EIF4A2: variants seen among roughly 807,000 people sequenced by gnomAD.
The protein encoded by EIF4A2 is eukaryotic translation initiation factor 4A2.
A neutral mutation model predicts 50.6 loss-of-function variants in EIF4A2; 9 were observed. The ratio of observed to expected loss-of-function variants is 0.18; its 90% CI spans 0.11 to 0.31. The LOEUF (loss-of-function observed/expected upper bound fraction) is 0.31, where lower values mean the gene tolerates loss of function less well. Ranked by LOEUF, EIF4A2 falls within the 10% of genes least tolerant of loss-of-function variation. The pLI, the probability that EIF4A2 is intolerant of heterozygous loss-of-function variation, is 1.00. For synonymous variants in EIF4A2, 215 were observed against 164.4 expected (o/e 1.31, Z -2.35); for missense variants, 182 against 501.8 (o/e 0.36, Z 6.09).
chr3:186,787,373 C>T (rs764700631), intron 8 of EIF4A2, 109 bp downstream of exon 8: 11 of 1,609,720 alleles, frequency 6.8e-6, no homozygotes, highest in Admixed American at 1.7e-5. Flanking sequence ...AAAGTTGTTT[C>T]TTAACTATAC....
At chr3:186,783,897 G>C in intron 1 of EIF4A2, 3 of 564,010 alleles carry the variant, frequency 5.3e-6, no homozygotes, top group Non-Finnish European at 6.3e-6. Flanking sequence ...TTCCTTCCCA[G>C]TGTAGAGCAC....
chr3:186,784,145 G>T (rs1428254271), intron 1 of EIF4A2: 3 of 530,372 alleles, frequency 5.7e-6, no homozygotes, highest in Non-Finnish European at 6.7e-6. Context: ...TCAATCACCC[G>T]GCTTGCGCAT....
At chr3:186,783,744 T>G in intron 1 of EIF4A2, 105 bp downstream of exon 1, 1 of 1,570,220 alleles carries the variant, frequency 6.4e-7, no homozygotes, top group Non-Finnish European at 8.8e-7. Context: ...AATGGACGTT[T>G]TCTTAGGGTA....
chr3:186,783,792 G>A, intron 1 of EIF4A2, 153 bp downstream of exon 1: 1 of 1,244,818 alleles, frequency 8.0e-7, no homozygotes, highest in African/African-American at 1.5e-5. Context: ...TCCATGATGG[G>A]TAGGGCCCGG....
At chr3:186,788,942 T>C in intron 10 of EIF4A2, 183 bp from the exon 11 acceptor site, 3 of 733,078 alleles carry the variant, frequency 4.1e-6, no homozygotes, top group South Asian at 4.9e-5. Context: ...TGAATCCTTT[T>C]GGCACTAACT....
chr3:186,783,780 C>A, intron 1 of EIF4A2, 141 bp downstream of exon 1: 2 of 1,348,620 alleles, frequency 1.5e-6, no homozygotes, highest in Non-Finnish European at 2.1e-6. Context: ...CTTCCAGAAG[C>A]TTCCATGATG....
Position 186,789,709 on chromosome 3 carries a change from ATTTGAATGCATTTTG to A in EIF4A2, c.*445_*459del. The A allele has an allele frequency of 2.6e-6, 1 of 390,186 alleles. No homozygotes were observed. Among genetic ancestry groups the A allele is most frequent in the Non-Finnish European group, 4.6e-6 (1 of 217,366 alleles). 24.2% of individuals were successfully genotyped at this position (390,186 alleles called of 1,614,324 possible). On this transcript the variant is annotated 3_prime_UTR_variant, in exon 11 of 11. Transcript: ENST00000323963. ...GGCCTTTAAAATTTTTTTAGAAAGCATTTGAATGCATTTTGTTTGGTATTGTATTTATTCAATAAA... is the reference window on the plus strand; with the variant it reads ...GGCCTTTAAAATTTTTTTAGAAAGCATTTGGTATTGTATTTATTCAATAAA...
chr3:186,787,097 A>C (rs1721775129), intron 7 of EIF4A2, 30 bp from the exon 8 acceptor site: 1 of 1,611,174 alleles, frequency 6.2e-7, no homozygotes, highest in South Asian at 1.1e-5. Context: ...AAACTAAATG[A>C]CTGTTAACTT....
At position 186,789,693 on chromosome 3, in the gene EIF4A2, AATTTTTTTAGAAAGCATTTGAATGC is replaced by A; in HGVS notation, c.*430_*454del. 2 of 376,654 alleles carry A rather than the reference AATTTTTTTAGAAAGCATTTGAATGC, an allele frequency of 5.3e-6. No homozygotes were observed. The highest frequency in any genetic ancestry group is 9.6e-6 in the Non-Finnish European group (2 of 208,906). 23.3% of individuals were successfully genotyped at this position (376,654 alleles called of 1,614,324 possible). ...TTAGCCTGAGTAGAAAGGCCTTTAAAATTTTTTTAGAAAGCATTTGAATGCATTTTGTTTGGTATTGTATTTATTC... is the reference window on the plus strand; with the variant it reads ...TTAGCCTGAGTAGAAAGGCCTTTAAAATTTTGTTTGGTATTGTATTTATTC... On this transcript the variant is annotated 3_prime_UTR_variant, in exon 11 of 11. Transcript: ENST00000323963.
Position 186,783,617 on chromosome 3 carries a change from G to C in EIF4A2, c.7G>C (p.Gly3Arg). Residue 3 changes from glycine (G) to arginine (R), a missense_variant, in exon 1 of 11, where the codon GGT becomes CGT. Coordinates refer to ENST00000323963, the MANE Select transcript of EIF4A2 (RefSeq NM_001967.4). Reference protein sequence around the residue: MSGGSADYNREHG... With the variant: MSRGSADYNREHG... ...CTGAGTGGTTTTTCGGATCATGTCT[G>C]GTGGCTCCGCGGATTATAACAGGTA... 6.2e-7 allele frequency: 1 copy of C among 1,614,170 alleles called. No individual in the cohort carries two copies. Among genetic ancestry groups the C allele is most frequent in the Non-Finnish European group, 8.5e-7 (1 of 1,180,042 alleles).
At chr3:186,786,695 T>C (rs1721734373) in intron 7 of EIF4A2, 50 bp downstream of exon 7, 1 of 1,610,036 alleles carries the variant, frequency 6.2e-7, no homozygotes, top group South Asian at 1.1e-5. Flanking sequence ...ATAAGCACTG[T>C]GCTAAAATTG....
In EIF4A2 at chr3:186,784,462, C is replaced by G; in HGVS notation, c.60C>G (p.Pro20=). 1 of 1,614,150 alleles carries G rather than the reference C, an allele frequency of 6.2e-7. No individual in the cohort carries two copies. The highest frequency in any genetic ancestry group is 8.5e-7 in the Non-Finnish European group (1 of 1,180,022). The change falls in exon 2 of 11, where the codon CCC becomes CCG. Residue 20 remains proline (P), a synonymous_variant. Coordinates refer to ENST00000323963, the MANE Select transcript of EIF4A2 (RefSeq NM_001967.4). ...ATGGCGGCCCAGAGGGAATGGACCCCGATGGTGTCATCGAGGTAAGAAACG... is the reference window on the plus strand; with the variant it reads ...ATGGCGGCCCAGAGGGAATGGACCCGGATGGTGTCATCGAGGTAAGAAACG... ...REHGGPEGMD[P]DGVIESNWNE... is the part of the protein sequence containing the mutation.
rs1560084088 is a variant in EIF4A2 at position 186,785,212 on chromosome 3, T to C, written c.348+111T>C. 19 of 1,484,212 alleles carry C rather than the reference T, an allele frequency of 1.3e-5. No individual in the cohort carries two copies. In the East Asian group the frequency reaches 3.2e-4, roughly 25 times the overall value. 91.9% of individuals were successfully genotyped at this position (1,484,212 alleles called of 1,614,324 possible). The stretch of plus-strand genomic sequence containing the variant: ...AAATTGGTCCTACCAGATCCCTCCT[T>C]TTAATTGTCCATGCATGCAGGGAGT... On this transcript the variant is annotated intron_variant, in intron 4 of 10. Coordinates refer to ENST00000323963, the MANE Select transcript of EIF4A2 (RefSeq NM_001967.4).
intron 5 of EIF4A2, 22 bp downstream of exon 5, chr3:186,786,073 G>A: frequency 6.2e-7 from 1 of 1,600,440 alleles, no homozygotes; most frequent in East Asian, 2.2e-5. Context: ...CTTTAAGAGA[G>A]TATTTTTTTT....
At position 186,789,034 on chromosome 3, in the gene EIF4A2, A is replaced by G; in HGVS notation, c.1080-91A>G. The G allele has an allele frequency of 1.1e-5, 17 of 1,487,274 alleles. No homozygotes were observed. The South Asian group carries it at 2.4e-4, about 21-fold the overall frequency. The allele number at this position is 1,487,274 out of a possible 1,614,324, so 92.1% of individuals were successfully genotyped here. ...GCACGAACTATAACCTTGATAAGTA[A>G]ACAGCAGCTGGTGGTTAACAAGTGG... On this transcript the variant is annotated intron_variant, in intron 10 of 10. Transcript: ENST00000323963.
chr3:186,789,551 G>A lies in EIF4A2; in HGVS notation c.*282G>A. The A allele has an allele frequency of 2.8e-6, 1 of 357,306 alleles. No homozygotes were observed. Among genetic ancestry groups the A allele is most frequent in the Non-Finnish European group, 5.0e-6 (1 of 198,814 alleles). 22.1% of individuals were successfully genotyped at this position (357,306 alleles called of 1,614,324 possible). ...TTTATTTCCTAGTTCTGTAGAAATG[G>A]TTGTATTAGATGTTCTCTATCATTT... On this transcript the variant is annotated 3_prime_UTR_variant, in exon 11 of 11. Coordinates refer to ENST00000323963, the MANE Select transcript of EIF4A2 (RefSeq NM_001967.4).
intron 7 of EIF4A2, 179 bp downstream of exon 7, chr3:186,786,824 C>T (rs975331551): frequency 4.2e-6 from 4 of 944,890 alleles, no homozygotes; most frequent in African/African-American, 3.2e-5. Context: ...TGTCCAATGT[C>T]CTTTGTCTTA....
chr3:186,784,176 G>C (rs1721549448), intron 1 of EIF4A2: 4 of 563,236 alleles, frequency 7.1e-6, no homozygotes, highest in Non-Finnish European at 1.2e-5. Flanking sequence ...GGAGTTCGGC[G>C]CTCCGAGCTC....
intron 6 of EIF4A2, 42 bp from the exon 7 acceptor site, chr3:186,786,460 T>C: frequency 8.7e-6 from 14 of 1,602,806 alleles, no homozygotes; most frequent in Non-Finnish European, 1.2e-5. Context: ...CTTTGGGTAT[T>C]AATGTGTAAG....
Sources: allele counts gnomAD v4.1 joint callset, GRCh38; gene constraint gnomAD v4.1.1; transcripts MANE v1.5; gene names NCBI Gene and HGNC (gene_info 2026-07-23, HGNC 2026-07-21).